Variants in KIAA1614 observed in about 807,000 individuals in gnomAD.
KIAA1614 encodes the protein uncharacterized protein KIAA1614.
In KIAA1614, 76 loss-of-function variants were observed where a neutral mutation model predicts 88.7. The ratio of observed to expected loss-of-function variants is 0.86; its 90% CI spans 0.71 to 1.04. KIAA1614 has a LOEUF of 1.04. Among genes scored for constraint, KIAA1614 ranks in the 50% least tolerant of loss-of-function variants. KIAA1614 has a pLI of 0.00. For synonymous variants in KIAA1614, 714 were observed against 675.5 expected (o/e 1.06, Z -0.88); for missense variants, 1,553 against 1,582.5 (o/e 0.98, Z 0.32).
chr1:180,917,820 T>G (rs1558063968), intron 2 of KIAA1614, 31 bp from the exon 3 acceptor site: 1 of 1,602,798 alleles, frequency 6.2e-7, no homozygotes, highest in South Asian at 1.1e-5. Flanking sequence ...TCTGGCTCTG[T>G]CCTGATCTCT....
chr1:180,919,577 C>T (rs1230250664), intron 3 of KIAA1614, among the ~76,000 whole-genome samples: 1 of 152,156 alleles, frequency 6.6e-6, no homozygotes, highest in East Asian at 1.9e-4. Flanking sequence ...GCTGCCCCCA[C>T]CCCCTGCACA....
intron 5 of KIAA1614, among the ~76,000 whole-genome samples, chr1:180,938,179 CCT>C (rs1378384867): frequency 5.9e-5 from 9 of 152,210 alleles, no homozygotes; most frequent in South Asian, 2.1e-4. Flanking sequence ...AAAATTTTCC[CCT>C]GTTCCCACTG....
In KIAA1614 at chr1:180,935,938, C is replaced by T; in HGVS notation, c.2029C>T (p.Leu677=). 6.2e-7 allele frequency: 1 copy of T among 1,614,032 alleles called. No individual in the cohort carries two copies. The highest frequency in any genetic ancestry group is 8.5e-7 in the Non-Finnish European group (1 of 1,179,928). The part of the protein sequence containing the change: ...LPWGLQAQQH[L]PRADDVEVEN... ...TTGGGGCCTTCAGGCCCAGCAACAC[C>T]TGCCTAGGGCTGATGATGTGGAGGT... The change falls in exon 5 of 9, where the codon CTG becomes TTG. Residue 677 remains leucine, a synonymous_variant. Coordinates refer to ENST00000367588, the MANE Select transcript of KIAA1614 (RefSeq NM_020950.2). This position sits in a 1 kb window ranked among gnomAD's most constrained non-coding sequence, Gnocchi z 6.1.
chr1:180,928,608 G>A, intron 4 of KIAA1614, 35 bp downstream of exon 4: 4 of 1,597,142 alleles, frequency 2.5e-6, no homozygotes, highest in Non-Finnish European at 3.4e-6. Context: ...GCCTGGGAGG[G>A]CCATAGCAGG....
chr1:180,935,440 A>T lies in KIAA1614; in HGVS notation c.1531A>T (p.Thr511Ser), dbSNP rs1312734701. ...CCGGCTCCGGGACGCGGGGCAGGGGACATTCCACAGGCTTGTGGGCAGCCT... is the reference window on the plus strand; with the variant it reads ...CCGGCTCCGGGACGCGGGGCAGGGGTCATTCCACAGGCTTGTGGGCAGCCT... Reference protein sequence around the residue: ...APRLRDAGQGTFHRLVGSLDR... With the variant: ...APRLRDAGQGSFHRLVGSLDR... Residue 511 changes from threonine to serine, a missense_variant, in exon 5 of 9, where the codon ACA (threonine) becomes TCA (serine). Transcript: ENST00000367588. The surrounding 1 kb of genome is among the most constrained non-coding windows in gnomAD (Gnocchi z 6.1). The T allele has an allele frequency of 5.1e-5, 75 of 1,479,086 alleles. No individual in the cohort carries two copies. The highest frequency in any genetic ancestry group is 6.6e-5 in the Non-Finnish European group (74 of 1,121,212). 91.6% of individuals were successfully genotyped at this position (1,479,086 alleles called of 1,614,324 possible).
chr1:180,928,244 A>AGCCCCAG (rs541169888), intron 3 of KIAA1614, 186 bp from the exon 4 acceptor site: 50 of 676,892 alleles, frequency 7.4e-5, no homozygotes, highest in Non-Finnish European at 1.0e-4. Flanking sequence ...GCCATTTCCC[A>AGCCCCAG]GCCCCAGGCC....
At chr1:180,913,589 T>C (rs1201128100) in intron 1 of KIAA1614, among the ~76,000 whole-genome samples, 1 of 152,208 alleles carries the variant, frequency 6.6e-6, no homozygotes, top group Non-Finnish European at 1.5e-5. Context: ...CTTTAAGGTC[T>C]CTGGCGTGCT....
At position 180,936,431 on chromosome 1, in the gene KIAA1614, G is replaced by T. The variant is rs776365146; in HGVS notation, c.2522G>T (p.Gly841Val). The stretch of plus-strand genomic sequence containing the variant: ...CTGGGTGACCAGACAGAGCCTGTGG[G>T]TATCCCTCGGCCTCCTTCAAGAAGC... ...LRLGDQTEPV[G>V]IPRPPSRSAV... Residue 841 changes from glycine to valine, a missense_variant, in exon 5 of 9, where the codon GGT becomes GTT. Transcript: ENST00000367588. The T allele has an allele frequency of 6.2e-7, 1 of 1,614,178 alleles. No homozygotes were observed. Among genetic ancestry groups the T allele is most frequent in the East Asian group, 2.2e-5 (1 of 44,874 alleles).
chr1:180,916,679 G>A lies in KIAA1614; in HGVS notation c.576G>A (p.Trp192Ter). Reference sequence around the variant, plus strand: ...GCCCGTGGCCTCCAGAAGCCGAATGGACACTTCCTGACCATGACAGAGGTC... The same window carrying A: ...GCCCGTGGCCTCCAGAAGCCGAATGAACACTTCCTGACCATGACAGAGGTC... ...RGSPWPPEAE[W>*]TLPDHDRGPL... The change falls in exon 2 of 9, where the codon TGG (tryptophan) becomes TGA (stop). Residue 192 changes from tryptophan to a stop codon, truncating the protein, a stop_gained. Coordinates refer to ENST00000367588, the MANE Select transcript of KIAA1614 (RefSeq NM_020950.2). LOFTEE classifies it high-confidence loss of function. 6 of 1,605,396 alleles carry A rather than the reference G, an allele frequency of 3.7e-6. No individual in the cohort carries two copies. Among genetic ancestry groups the A allele is most frequent in the Non-Finnish European group, 5.1e-6 (6 of 1,174,674 alleles).
At chr1:180,926,046 C>T (rs1455559604) in intron 3 of KIAA1614, among the ~76,000 whole-genome samples, 2 of 152,212 alleles carry the variant, frequency 1.3e-5, no homozygotes, top group African/African-American at 4.8e-5. Context: ...TCCTATGCTC[C>T]ACCCTCTGAG....
rs1242041800 is a variant in KIAA1614, at chr1:180,936,561, C to T, written c.2652C>T (p.Ser884=). 5.0e-6 allele frequency: 8 copies of T among 1,613,570 alleles called. No homozygotes were observed. Among genetic ancestry groups the T allele is most frequent in the East Asian group, 4.5e-5 (2 of 44,896 alleles). ...LALSTNNCNN[S]APRGLQEPYG... ...TGTCCACCAACAACTGCAACAACAG[C>T]GCACCTCGGGGGCTGCAGGAGCCCT... The change falls in exon 5 of 9, where the codon AGC becomes AGT. Residue 884 remains serine, a synonymous_variant. Coordinates refer to ENST00000367588, the MANE Select transcript of KIAA1614 (RefSeq NM_020950.2).
Position 180,935,685 on chromosome 1 carries a change from A to G in KIAA1614, c.1776A>G (p.Glu592=). ...CTGCAGAGCCCCGGCTCCACATGGA[A>G]TGGATCCGGGAAACACACATCGGAG... ...LLPAEPRLHM[E]WIRETHIGDT... Residue 592 remains glutamate, a synonymous_variant, in exon 5 of 9, where the codon GAA becomes GAG. Coordinates refer to ENST00000367588, the MANE Select transcript of KIAA1614 (RefSeq NM_020950.2). This position sits in a 1 kb window ranked among gnomAD's most constrained non-coding sequence, Gnocchi z 6.1. 1 of 1,613,574 alleles carries G rather than the reference A, an allele frequency of 6.2e-7. No homozygotes were observed. Among genetic ancestry groups the G allele is most frequent in the Non-Finnish European group, 8.5e-7 (1 of 1,179,920 alleles).
At chr1:180,929,602 G>A (rs1217151984) in intron 4 of KIAA1614, among the ~76,000 whole-genome samples, 3 of 152,196 alleles carry the variant, frequency 2.0e-5, no homozygotes, top group Non-Finnish European at 4.4e-5. Flanking sequence ...ACACATGACT[G>A]CCCCCTGAGC....
At chr1:180,932,759 TCTGTATGGA>T (rs1654225908) in intron 4 of KIAA1614, among the ~76,000 whole-genome samples, 1 of 9,596 alleles carries the variant, frequency 1.0e-4, no homozygotes, top group Non-Finnish European at 9.4e-3. Flanking sequence ...AGGGTCTTGC[TCTGTATGGA>T]GTGTAGCAGC....
chr1:180,913,205 AG>A lies in KIAA1614; in HGVS notation c.-36del. On this transcript the variant is annotated 5_prime_UTR_variant, in exon 1 of 9. Transcript: ENST00000367588. Reference sequence around the variant, plus strand: ...CCCCGAACCCAGCAGCTGGCCTGGGAGGGAGAAGGGGCTGGAGAGGGCCTGG... The same window carrying A: ...CCCCGAACCCAGCAGCTGGCCTGGGAGGAGAAGGGGCTGGAGAGGGCCTGG... 1 of 1,245,374 alleles carries A rather than the reference AG, an allele frequency of 8.0e-7. No individual in the cohort carries two copies. The highest frequency in any genetic ancestry group is 4.2e-5 in the Admixed American group (1 of 23,792). The allele number at this position is 1,245,374 out of a possible 1,614,324, so 77.1% of individuals were successfully genotyped here.
intron 7 of KIAA1614, among the ~76,000 whole-genome samples, 171 bp downstream of exon 7, chr1:180,941,456 C>G (rs1654463004): frequency 6.6e-6 from 1 of 152,138 alleles, no homozygotes; most frequent in Non-Finnish European, 1.5e-5. Context: ...TTGGGTTCCC[C>G]TAGAACCAAG....
intron 1 of KIAA1614, among the ~76,000 whole-genome samples, chr1:180,915,401 C>T (rs755334528): frequency 2.0e-5 from 3 of 152,156 alleles, no homozygotes; most frequent in Admixed American, 6.5e-5. Context: ...ATGCGGGCAT[C>T]CTCCACTGAA....
chr1:180,938,930 C>T lies in KIAA1614; in HGVS notation c.2918+219C>T, dbSNP rs899293754. ...ATTCATTCATGGAGCATCCATTGAACGGCCTCTAGCTGCAGACACTGTGCC... is the reference window on the plus strand; with the variant it reads ...ATTCATTCATGGAGCATCCATTGAATGGCCTCTAGCTGCAGACACTGTGCC... On this transcript the variant is annotated intron_variant, in intron 6 of 8. Coordinates refer to ENST00000367588, the MANE Select transcript of KIAA1614 (RefSeq NM_020950.2). Among the ~76,000 whole-genome samples the T allele has an allele frequency of 9.8e-5, 15 of 152,340 alleles. No individual in the cohort carries two copies. The South Asian group carries it at 1.4e-3, about 15-fold the overall frequency.
intron 3 of KIAA1614, chr1:180,928,056 G>A (rs796683151): frequency 2.9e-5 from 5 of 173,030 alleles, no homozygotes; most frequent in African/African-American, 4.7e-5. Flanking sequence ...CAACAACCCC[G>A]GGCCCTTTCT....
Sources: allele counts gnomAD v4.1 joint callset (sites outside exome capture counted in the v4.1 genomes callset), GRCh38; gene constraint gnomAD v4.1.1; non-coding constraint Gnocchi (gnomAD v3.1); transcripts MANE v1.5; gene names NCBI Gene and HGNC (gene_info 2026-07-23, HGNC 2026-07-21).